The following VPS13D variants were observed in gnomAD, a reference collection of about 807,000 sequenced individuals.
VPS13D encodes vacuolar protein sorting 13 homolog D, also known as intermembrane lipid transfer protein VPS13D.
In VPS13D, 187 loss-of-function variants were observed where a neutral mutation model predicts 461.9. The observed-to-expected ratio is 0.40, with a 90% CI of 0.36 to 0.46. The LOEUF is 0.46. VPS13D is among the 20% of genes least tolerant of loss of function. The probability of loss-of-function intolerance (pLI) is 0.60; values close to 1 mark genes in which losing one functional copy is unlikely to be tolerated. For synonymous variants in VPS13D, 1,951 were observed against 1,986.3 expected (o/e 0.98, Z 0.47); for missense variants, 4,711 against 5,364.9 (o/e 0.88, Z 3.81).
intron 58 of VPS13D, 95 bp downstream of exon 58, chr1:12,383,250 C>A: frequency 1.6e-6 from 2 of 1,265,228 alleles, no homozygotes; most frequent in Non-Finnish European, 1.1e-6. Context: ...CATGTTTATG[C>A]CAGATATGAA....
chr1:12,384,340 G>A (rs1450732988), intron 58 of VPS13D, among the ~76,000 whole-genome samples: 1 of 152,192 alleles, frequency 6.6e-6, no homozygotes, highest in Non-Finnish European at 1.5e-5. Context: ...CAACTCACAG[G>A]ATGATAATCC....
At chr1:12,444,213 G>T (rs1645165811) in intron 65 of VPS13D, among the ~76,000 whole-genome samples, 1 of 152,096 alleles carries the variant, frequency 6.6e-6, no homozygotes, top group Non-Finnish European at 1.5e-5. Context: ...AGTCTTTTAT[G>T]ATATCATCCC....
chr1:12,356,241 T>G, intron 48 of VPS13D, 151 bp downstream of exon 48: 1 of 1,382,618 alleles, frequency 7.2e-7, no homozygotes, highest in Non-Finnish European at 9.7e-7. Flanking sequence ...AAATGCTTAA[T>G]CATGCTCAAA....
Position 12,457,917 on chromosome 1 carries a change from A to G in VPS13D, c.12466+1787A>G, listed in dbSNP as rs185068664. On this transcript the variant is annotated intron_variant, in intron 66 of 69. Transcript: ENST00000620676. The stretch of plus-strand genomic sequence containing the variant: ...TTAATCATTCTTTCTCGTAATGGTA[A>G]TGACAGTACATTGGACTCTTAGAAG... 2.2e-3 allele frequency among the ~76,000 whole-genome samples: 342 copies of G among 152,348 alleles called. 1 individual carries two copies. The highest frequency in any genetic ancestry group is 2.7e-3 in the Non-Finnish European group (182 of 68,030).
At position 12,304,748 on chromosome 1, in the gene VPS13D, A is replaced by G. The variant is rs371608101; in HGVS notation, c.6439+20A>G. The G allele has an allele frequency of 4.0e-5, 64 of 1,612,092 alleles. No individual in the cohort carries two copies. Among genetic ancestry groups the G allele is most frequent in the Non-Finnish European group, 5.3e-5 (62 of 1,178,778 alleles). ...GTCCAGGTAAAAGAGGAGAAAAGCA[A>G]CATAATACTGAAGGTGGGGAAATTC... On this transcript the variant is annotated intron_variant, in intron 26 of 69. Coordinates refer to ENST00000620676, the MANE Select transcript of VPS13D (RefSeq NM_015378.4).
chr1:12,482,278 C>T (rs939952870), intron 67 of VPS13D, among the ~76,000 whole-genome samples: 45 of 152,202 alleles, frequency 3.0e-4, no homozygotes, highest in African/African-American at 1.1e-3. Flanking sequence ...CCCAGCCTCC[C>T]CTTATCCAGA....
At chr1:12,453,008 T>A (rs533231828) in intron 65 of VPS13D, among the ~76,000 whole-genome samples, 1 of 152,300 alleles carries the variant, frequency 6.6e-6, no homozygotes, top group East Asian at 1.9e-4. Flanking sequence ...AAGGTCTTCA[T>A]CTTACGGAAG....
At position 12,348,810 on chromosome 1, in the gene VPS13D, C is replaced by T. The variant is rs529595822; in HGVS notation, c.9070-13C>T. The T allele has an allele frequency of 4.2e-5, 68 of 1,611,642 alleles. No homozygotes were observed. The East Asian group carries it at 4.5e-4, about 11-fold the overall frequency. The stretch of plus-strand genomic sequence containing the variant: ...AGAAACATAACTATTTTGTCTTTAT[C>T]GCTCTTTCACAGTTCTCTTCACTCC... On this transcript the variant is annotated splice_polypyrimidine_tract_variant and intron_variant, in intron 44 of 69. Coordinates refer to ENST00000620676, the MANE Select transcript of VPS13D (RefSeq NM_015378.4).
chr1:12,357,905 G>C (rs1261641880), intron 49 of VPS13D, among the ~76,000 whole-genome samples: 6 of 151,172 alleles, frequency 4.0e-5, no homozygotes, highest in Non-Finnish European at 3.0e-5. Context: ...TTGGGAGGCT[G>C]AGGCAGGAGA....
At chr1:12,366,052 C>T (rs1644030369) in intron 52 of VPS13D, among the ~76,000 whole-genome samples, 1 of 151,408 alleles carries the variant, frequency 6.6e-6, no homozygotes, top group African/African-American at 2.4e-5. Flanking sequence ...CATGCACCAC[C>T]ATGCCTGGCT....
chr1:12,268,837 GT>G lies in VPS13D; in HGVS notation c.1934del (p.Val645GlufsTer23). On this transcript the variant is annotated frameshift_variant, in exon 16 of 70. Coordinates refer to ENST00000620676, the MANE Select transcript of VPS13D (RefSeq NM_015378.4). LOFTEE classifies it high-confidence loss of function. ...ATACAATCCGCAGGCCATTAAAAAAGTAGCAGACTTTTTCTACAAGGGAAAG... is the reference window on the plus strand; with the variant it reads ...ATACAATCCGCAGGCCATTAAAAAAGAGCAGACTTTTTCTACAAGGGAAAG... ...IIYNPQAIKKVADFFYKGKVH... is the reference protein window; with the variant it reads ...IIYNPQAIKKXADFFYKGKVH... 1 of 1,613,310 alleles carries G rather than the reference GT, an allele frequency of 6.2e-7. No individual in the cohort carries two copies. The highest frequency in any genetic ancestry group is 8.5e-7 in the Non-Finnish European group (1 of 1,179,702).
At chr1:12,253,963 C>T (rs1439039395) in intron 7 of VPS13D, 137 bp downstream of exon 7, 1 of 666,220 alleles carries the variant, frequency 1.5e-6, no homozygotes, top group Admixed American at 2.8e-5. Context: ...CATTCACTCT[C>T]AAGTGTGTTT....
chr1:12,324,811 T>C (rs558528569), intron 35 of VPS13D, among the ~76,000 whole-genome samples: 96 of 152,366 alleles, frequency 6.3e-4, no homozygotes, highest in African/African-American at 2.2e-3. Flanking sequence ...CCTATCTTTG[T>C]GTTTTCTTTT....
chr1:12,385,310 A>G lies in VPS13D; in HGVS notation c.11421A>G (p.Glu3807=). Residue 3807 remains glutamate (E), a synonymous_variant, in exon 59 of 70, where the codon GAA becomes GAG. Transcript: ENST00000620676. ...GCAGCCGTTCATATGAAGTGGATGA[A>G]CTTCCTGTCACCGAACAAGAGCTGC... The part of the protein sequence containing the change: ...RKSSRSYEVD[E]LPVTEQELQK... The G allele has an allele frequency of 6.2e-7, 1 of 1,614,026 alleles. No individual in the cohort carries two copies. Among genetic ancestry groups the G allele is most frequent in the East Asian group, 2.2e-5 (1 of 44,872 alleles).
chr1:12,257,798 C>G (rs1046277930), intron 9 of VPS13D, 137 bp from the exon 10 acceptor site: 11 of 1,075,486 alleles, frequency 1.0e-5, no homozygotes, highest in Non-Finnish European at 1.5e-5. Context: ...TTAAGACGAA[C>G]TTAATATATA....
rs573741643 is a variant in VPS13D at position 12,275,680 on chromosome 1, C to G, written c.2237-145C>G. On this transcript the variant is annotated intron_variant, in intron 18 of 69. Coordinates refer to ENST00000620676, the MANE Select transcript of VPS13D (RefSeq NM_015378.4). Reference sequence around the variant, plus strand: ...AAATTCACACTTAGAAAATGGTAAACAAAGATATTATGCTTAAGAGTTTTC... The same window carrying G: ...AAATTCACACTTAGAAAATGGTAAAGAAAGATATTATGCTTAAGAGTTTTC... 4.3e-4 allele frequency: 319 copies of G among 737,388 alleles called. 6 individuals carry two copies. In the South Asian group the frequency reaches 9.8e-3, roughly 23 times the overall value. 45.7% of individuals were successfully genotyped at this position (737,388 alleles called of 1,614,324 possible).
intron 6 of VPS13D, 75 bp from the exon 7 acceptor site, chr1:12,253,647 A>G (rs1640813996): frequency 8.6e-7 from 1 of 1,169,450 alleles, no homozygotes; most frequent in Admixed American, 1.7e-5. Flanking sequence ...ATTCTTTACA[A>G]ATGGTTTGTT....
Position 12,411,185 on chromosome 1 carries a change from A to G in VPS13D, c.12031-3902A>G, listed in dbSNP as rs530938665. Among the ~76,000 whole-genome samples the G allele has an allele frequency of 1.4e-3, 219 of 152,384 alleles. 1 individual carries two copies. The highest frequency in any genetic ancestry group is 3.4e-3 in the Middle Eastern group (1 of 294). On this transcript the variant is annotated intron_variant, in intron 63 of 69. Coordinates refer to ENST00000620676, the MANE Select transcript of VPS13D (RefSeq NM_015378.4). ...GGAAAATAAAAAGTTCGTTATTTGT[A>G]GAAAACACGATCGTTTACTAGAAAA...
At position 12,385,355 on chromosome 1, in the gene VPS13D, T is replaced by C; in HGVS notation, c.11466T>C (p.Asp3822=). ...EQELQKLKNP[D]TEQELEVLVR... is the part of the protein sequence containing the mutation. ...AGCTGCAGAAATTAAAGAATCCAGA[T>C]ACAGAGCAGGAATTGGAAGTAAGGT... The change falls in exon 59 of 70, where the codon GAT becomes GAC. Residue 3822 remains aspartate, a synonymous_variant. Transcript: ENST00000620676. 6.2e-7 allele frequency: 1 copy of C among 1,613,510 alleles called. No homozygotes were observed. Among genetic ancestry groups the C allele is most frequent in the African/African-American group, 1.3e-5 (1 of 75,020 alleles).
Sources: gnomAD v4.1 joint callset for allele counts (sites outside exome capture counted in the v4.1 genomes callset) on GRCh38, gnomAD v4.1.1 for gene constraint, MANE v1.5 for transcripts, NCBI Gene and HGNC (gene_info 2026-07-23, HGNC 2026-07-21) for gene names.